MSRB3: variants seen among roughly 807,000 people sequenced by gnomAD.
MSRB3 encodes the protein methionine-R-sulfoxide reductase B3.
In MSRB3, 13 loss-of-function variants were observed where a neutral mutation model predicts 21.0. The observed-to-expected ratio is 0.62, with a 90% CI of 0.40 to 0.98. The LOEUF (loss-of-function observed/expected upper bound fraction) is 0.98. MSRB3 is among the 50% of genes least tolerant of loss of function. The pLI is 0.00. For missense variants in MSRB3, 199 were observed against 230.3 expected (o/e 0.86, Z 0.88); for synonymous variants, 87 against 88.6 (o/e 0.98, Z 0.10).
intron 5 of MSRB3, among the ~76,000 whole-genome samples, chr12:65,431,035 A>G (rs1375174934): frequency 1.3e-5 from 2 of 152,082 alleles, no homozygotes; most frequent in Non-Finnish European, 2.9e-5. Context: ...CCTAGTGACA[A>G]TACTTCATTA....
intron 5 of MSRB3, among the ~76,000 whole-genome samples, chr12:65,450,492 A>G (rs1882809517): frequency 6.6e-6 from 1 of 152,202 alleles, no homozygotes; most frequent in African/African-American, 2.4e-5. Flanking sequence ...GCCTAATCCA[A>G]TCTCATCAAA....
chr12:65,408,928 C>G (rs1001794124), intron 5 of MSRB3, among the ~76,000 whole-genome samples: 2 of 152,090 alleles, frequency 1.3e-5, no homozygotes, highest in Admixed American at 1.3e-4. Flanking sequence ...TGGCTACTTT[C>G]CCCTTCCCCC....
chr12:65,315,688 A>C (rs1301942325), intron 2 of MSRB3, among the ~76,000 whole-genome samples: 1 of 151,840 alleles, frequency 6.6e-6, no homozygotes, highest in East Asian at 1.9e-4. Flanking sequence ...AAAAAAAAAA[A>C]AAAAACCCAT....
chr12:65,351,174 A>T (rs1010410565), intron 4 of MSRB3, among the ~76,000 whole-genome samples: 12 of 151,472 alleles, frequency 7.9e-5, no homozygotes, highest in African/African-American at 2.9e-4. Flanking sequence ...AAAACCACTC[A>T]ACTACATGGA....
At chr12:65,369,114 A>G (rs1407579416) in intron 5 of MSRB3, 88 bp downstream of exon 5, 4 of 1,026,214 alleles carry the variant, frequency 3.9e-6, no homozygotes, top group Non-Finnish European at 6.1e-6. Flanking sequence ...AACCATTTTG[A>G]TTTTAAACAG....
intron 1 of MSRB3, among the ~76,000 whole-genome samples, chr12:65,307,916 T>C (rs1873751750): frequency 1.3e-5 from 2 of 152,180 alleles, no homozygotes; most frequent in South Asian, 4.1e-4. Context: ...GGGTCTCTAT[T>C]TTATAAAATG....
chr12:65,403,657 A>G lies in MSRB3; in HGVS notation c.292+34631A>G, dbSNP rs553974213. On this transcript the variant is annotated intron_variant, in intron 5 of 6. Coordinates refer to ENST00000308259, the MANE Select transcript of MSRB3 (RefSeq NM_001031679.3). ...GTTCTGGGTGCCACTGGGGTATGAA[A>G]AAAAACTCCTGCAGCAGCTTGGTGT... 1.2e-4 allele frequency among the ~76,000 whole-genome samples: 18 copies of G among 152,256 alleles called. No individual in the cohort carries two copies. The South Asian group carries it at 3.7e-3, about 32-fold the overall frequency.
intron 4 of MSRB3, among the ~76,000 whole-genome samples, chr12:65,368,775 C>A (rs1592571294): frequency 6.6e-6 from 1 of 152,160 alleles, no homozygotes; most frequent in East Asian, 1.9e-4. Flanking sequence ...AAGTTAATGT[C>A]TTTTCCATAT....
At chr12:65,409,609 CT>C (rs1267561670) in intron 5 of MSRB3, among the ~76,000 whole-genome samples, 1 of 151,994 alleles carries the variant, frequency 6.6e-6, no homozygotes, top group Non-Finnish European at 1.5e-5. Flanking sequence ...TCTCTTTTGC[CT>C]TTTCAGGTTC....
intron 4 of MSRB3, among the ~76,000 whole-genome samples, chr12:65,358,311 G>A (rs1171766486): frequency 6.6e-6 from 1 of 151,548 alleles, no homozygotes; most frequent in African/African-American, 2.4e-5. Flanking sequence ...ATAGAGAAGG[G>A]GGTCTCGCTA....
rs544858074 is a variant in MSRB3 at position 65,371,123 on chromosome 12, C to T, written c.292+2097C>T. On this transcript the variant is annotated intron_variant, in intron 5 of 6. Transcript: ENST00000308259. ...CAGGCAGATCGCAAGGTCAGGAGAT[C>T]GAGACCATCCTGGCTAACATGGTGA... Among the ~76,000 whole-genome samples the T allele has an allele frequency of 2.0e-5, 3 of 152,088 alleles. No homozygotes were observed. In the South Asian group the frequency reaches 6.2e-4, roughly 32 times the overall value.
rs1882985923 is a variant in MSRB3, at chr12:65,454,162, C to T, written c.390+337C>T. The T allele has an allele frequency of 1.7e-5, 8 of 476,710 alleles. No individual in the cohort carries two copies. In the East Asian group the frequency reaches 2.7e-4, roughly 16 times the overall value. 29.5% of individuals were successfully genotyped at this position (476,710 alleles called of 1,614,324 possible). On this transcript the variant is annotated intron_variant, in intron 6 of 6. Transcript: ENST00000308259. ...CTTAGCAGGGCATGGTAGCATATGC[C>T]TGTAGTTCTAGCTACTCAGGGGGGC...
At chr12:65,339,029 A>G (rs1875966101) in intron 4 of MSRB3, among the ~76,000 whole-genome samples, 2 of 152,202 alleles carry the variant, frequency 1.3e-5, no homozygotes, top group Non-Finnish European at 2.9e-5. Context: ...GTGAGCCAAG[A>G]TTGTGACACT....
In MSRB3 at chr12:65,395,322, C is replaced by T. The variant is rs140050380; in HGVS notation, c.292+26296C>T. 7.7e-3 allele frequency among the ~76,000 whole-genome samples: 1,177 copies of T among 152,030 alleles called. 17 individuals carry two copies. Among genetic ancestry groups the T allele is most frequent in the African/African-American group, 0.026 (1,088 of 41,468 alleles). ...TCACTACTAAAAATACAAAATTAGCCGGGCATAGTGGTGAGCACCTGTAAT... is the reference window on the plus strand; with the variant it reads ...TCACTACTAAAAATACAAAATTAGCTGGGCATAGTGGTGAGCACCTGTAAT... On this transcript the variant is annotated intron_variant, in intron 5 of 6. Coordinates refer to ENST00000308259, the MANE Select transcript of MSRB3 (RefSeq NM_001031679.3).
chr12:65,352,880 C>T (rs1877114841), intron 4 of MSRB3, among the ~76,000 whole-genome samples: 1 of 151,580 alleles, frequency 6.6e-6, no homozygotes, highest in Non-Finnish European at 1.5e-5. Flanking sequence ...GTGAAAATGG[C>T]CATACTGCCC....
intron 1 of MSRB3, among the ~76,000 whole-genome samples, chr12:65,299,161 T>C (rs1324162505): frequency 6.6e-6 from 1 of 152,202 alleles, no homozygotes; most frequent in Non-Finnish European, 1.5e-5. Context: ...TTAATATAGT[T>C]ATAGTGCTAT....
intron 5 of MSRB3, among the ~76,000 whole-genome samples, chr12:65,370,178 C>T (rs1366267909): frequency 2.0e-5 from 3 of 152,084 alleles, no homozygotes; most frequent in Non-Finnish European, 4.4e-5. Flanking sequence ...TGGTTGAAAA[C>T]GCTGACTATA....
chr12:65,356,390 A>C (rs1042539361), intron 4 of MSRB3, among the ~76,000 whole-genome samples: 2 of 151,896 alleles, frequency 1.3e-5, no homozygotes, highest in African/African-American at 4.8e-5. Flanking sequence ...TGCTTCTCAC[A>C]AAGACAACTT....
At chr12:65,294,057 A>G (rs79863563) in intron 1 of MSRB3, among the ~76,000 whole-genome samples, 5,022 of 152,258 alleles carry the variant, frequency 0.033, 115 homozygotes, top group Non-Finnish European at 0.05. Flanking sequence ...TTGGAGTGCT[A>G]TCCAGGAATT....
Sources: allele counts gnomAD v4.1 joint callset (sites outside exome capture counted in the v4.1 genomes callset), GRCh38; gene constraint gnomAD v4.1.1; transcripts MANE v1.5; gene names NCBI Gene and HGNC (gene_info 2026-07-23, HGNC 2026-07-21).